Variants in PSG5 observed in about 807,000 individuals in gnomAD.
PSG5 encodes pregnancy-specific beta-1-glycoprotein 5.
A neutral mutation model predicts 37.7 loss-of-function variants in PSG5; 53 were observed. The ratio of observed to expected loss-of-function variants is 1.41; its 90% CI spans 1.13 to 1.77. The LOEUF (loss-of-function observed/expected upper bound fraction) is 1.77, where lower values mean the gene tolerates loss of function less well. Ranked by LOEUF, PSG5 falls within the 40% of genes most tolerant of loss-of-function variation. The pLI is 0.00. For missense variants in PSG5, 547 were observed against 405.2 expected (o/e 1.35, Z -3.00); for synonymous variants, 221 against 155.4 (o/e 1.42, Z -3.14).
Position 43,184,820 on chromosome 19 carries a change from G to T in PSG5, c.392C>A (p.Thr131Asn). 1.2e-6 allele frequency: 2 copies of T among 1,612,392 alleles called. No homozygotes were observed. The highest frequency in any genetic ancestry group is 4.5e-5 in the East Asian group (2 of 44,866). Residue 131 changes from threonine to asparagine, a missense_variant, in exon 2 of 6, where the codon ACT becomes AAT. Transcript: ENST00000342951. The stretch of plus-strand genomic sequence containing the variant: ...GGTGAAATATCCAGTTACTCCTCTA[G>T]TCCTATCACCTCGCTTTATGATGTG... Reference protein sequence around the residue: ...TLHIIKRGDRTRGVTGYFTFN... With the variant: ...TLHIIKRGDRNRGVTGYFTFN...
At position 43,181,753 on chromosome 19, in the gene PSG5, A is replaced by T. The variant is rs559896849; in HGVS notation, c.430+3029T>A. Reference sequence around the variant, plus strand: ...TAGGCATGAGCCACTGTGCCCAGCCATCTCTGAGGGATTTTAATGAGTTGT... The same window carrying T: ...TAGGCATGAGCCACTGTGCCCAGCCTTCTCTGAGGGATTTTAATGAGTTGT... On this transcript the variant is annotated intron_variant, in intron 2 of 5. Transcript: ENST00000342951. Among the ~76,000 whole-genome samples, 4 of 151,870 alleles carry T rather than the reference A, an allele frequency of 2.6e-5. 1 individual carries two copies. Among genetic ancestry groups the T allele is most frequent in the Non-Finnish European group, 5.9e-5 (4 of 67,940 alleles).
At chr19:43,177,391 G>A (rs991462218) in intron 2 of PSG5, among the ~76,000 whole-genome samples, 1 of 151,490 alleles carries the variant, frequency 6.6e-6, no homozygotes, top group African/African-American at 2.4e-5. Flanking sequence ...TATACTTACT[G>A]GTTTAGCATC....
At chr19:43,172,915 A>G (rs4028470) in intron 4 of PSG5, among the ~76,000 whole-genome samples, 101,841 of 151,226 alleles carry the variant, frequency 0.67, 35,547 homozygotes, top group East Asian at 0.99. Flanking sequence ...GACTCTAAAT[A>G]GACACATAGC....
Position 43,176,843 on chromosome 19 carries a change from A to G in PSG5, c.431-695T>C, listed in dbSNP as rs563457582. On this transcript the variant is annotated intron_variant, in intron 2 of 5. Coordinates refer to ENST00000342951, the MANE Select transcript of PSG5 (RefSeq NM_002781.4). ...CTAGAAGGAGTCAAGGGGACAGGCA[A>G]GAGCTGGTGGCTTTGGAGCAGAACC... Among the ~76,000 whole-genome samples, 43 of 151,026 alleles carry G rather than the reference A, an allele frequency of 2.8e-4. 1 individual carries two copies. Among genetic ancestry groups the G allele is most frequent in the African/African-American group, 9.3e-4 (38 of 40,902 alleles).
Position 43,186,144 on chromosome 19 carries a change from T to G in PSG5, c.64+198A>C, listed in dbSNP as rs891654154. ...AGAGCACACCACCATACCTGGTTAA[T>G]TTTTTGTATTTTTAGTAGAGACAGG... On this transcript the variant is annotated intron_variant, in intron 1 of 5. Coordinates refer to ENST00000342951, the MANE Select transcript of PSG5 (RefSeq NM_002781.4). 7.3e-5 allele frequency among the ~76,000 whole-genome samples: 11 copies of G among 151,180 alleles called. 1 individual carries two copies. The highest frequency in any genetic ancestry group is 1.0e-4 in the Non-Finnish European group (7 of 67,784).
At chr19:43,171,956 T>G (rs1207365185) in intron 4 of PSG5, among the ~76,000 whole-genome samples, 17 of 132,286 alleles carry the variant, frequency 1.3e-4, no homozygotes, top group Admixed American at 1.2e-3. Flanking sequence ...TGGACTGGTC[T>G]ACATAGTGAG....
intron 4 of PSG5, among the ~76,000 whole-genome samples, chr19:43,172,083 A>T (rs527881117): frequency 6.6e-6 from 1 of 151,560 alleles, no homozygotes; most frequent in African/African-American, 2.4e-5. Context: ...AATTTTATGC[A>T]AATAAATTGG....
chr19:43,185,314 T>C (rs1966910363), intron 1 of PSG5, among the ~76,000 whole-genome samples, 167 bp from the exon 2 acceptor site: 2 of 151,182 alleles, frequency 1.3e-5, no homozygotes, highest in African/African-American at 4.9e-5. Flanking sequence ...TGTGTGTATG[T>C]GTGTGTGTCC....
Position 43,171,571 on chromosome 19 carries a change from A to C in PSG5, c.965-1433T>G, listed in dbSNP as rs189316319. 95 of 430,150 alleles carry C rather than the reference A, an allele frequency of 2.2e-4. 2 individuals carry two copies. Among genetic ancestry groups the C allele is most frequent in the African/African-American group, 1.3e-3 (64 of 47,760 alleles). The allele number at this position is 430,150 out of a possible 1,614,324, so 26.6% of individuals were successfully genotyped here. A position where few individuals can be genotyped will look rare whatever the true frequency, so the allele number is the denominator to read the frequency against. On this transcript the variant is annotated intron_variant, in intron 4 of 5. Transcript: ENST00000342951. Reference sequence around the variant, plus strand: ...AATGGAAAAAGAATAGAGGAAATTAATGAAACCAAAAGTTGATTCTTCAAA... The same window carrying C: ...AATGGAAAAAGAATAGAGGAAATTACTGAAACCAAAAGTTGATTCTTCAAA...
chr19:43,177,434 C>T (rs868844295), intron 2 of PSG5, among the ~76,000 whole-genome samples: 20 of 151,386 alleles, frequency 1.3e-4, no homozygotes, highest in South Asian at 6.2e-4. Context: ...CTAAAATGCT[C>T]CAGTGAGCAT....
intron 2 of PSG5, among the ~76,000 whole-genome samples, chr19:43,180,779 TG>T (rs1969111329): frequency 7.1e-6 from 1 of 140,532 alleles, no homozygotes; most frequent in Admixed American, 7.2e-5. Context: ...ACGCCAAAGG[TG>T]ATTTGAAATT....
Position 43,175,248 on chromosome 19 carries a change from C to A in PSG5, c.931G>T (p.Glu311Ter), listed in dbSNP as rs138033994. 1.2e-6 allele frequency: 2 copies of A among 1,612,620 alleles called. No homozygotes were observed. Among genetic ancestry groups the A allele is most frequent in the African/African-American group, 2.7e-5 (2 of 74,570 alleles). Residue 311 changes from glutamate to a stop codon, truncating the protein, a stop_gained, in exon 4 of 6, where the codon GAA becomes TAA. Transcript: ENST00000342951. LOFTEE classifies it high-confidence loss of function. Reference protein sequence around the residue: ...CSVRNSATGKESSKSMTVEVS... With the variant: ...CSVRNSATGK ...TCGACTGTCATGGATTTGGAGCTTTCCTTGCCAGTAGCTGAGTTACGAACA... is the reference window on the plus strand; with the variant it reads ...TCGACTGTCATGGATTTGGAGCTTTACTTGCCAGTAGCTGAGTTACGAACA...
chr19:43,182,346 G>C (rs1969145849), intron 2 of PSG5, among the ~76,000 whole-genome samples: 1 of 151,672 alleles, frequency 6.6e-6, no homozygotes, highest in South Asian at 2.1e-4. Context: ...TGCTCCTATA[G>C]ATAACATCAC....
chr19:43,186,456 A>C lies in PSG5; in HGVS notation c.-51T>G, dbSNP rs377199217. 7.7e-5 allele frequency: 124 copies of C among 1,608,638 alleles called. 2 individuals carry two copies. The highest frequency in any genetic ancestry group is 6.6e-4 in the Middle Eastern group (4 of 6,042). The stretch of plus-strand genomic sequence containing the variant: ...CTGTGGAGCTGAGCCTAGGATCCAG[A>C]AACTTCCTGAGCACGGCTGTAGGCT... On this transcript the variant is annotated 5_prime_UTR_variant, in exon 1 of 6. Coordinates refer to ENST00000342951, the MANE Select transcript of PSG5 (RefSeq NM_002781.4).
At chr19:43,174,990 T>A (rs1005347499) in intron 4 of PSG5, 2 of 1,408,658 alleles carry the variant, frequency 1.4e-6, no homozygotes, top group Non-Finnish European at 1.9e-6. Flanking sequence ...TAAAGCCCCC[T>A]CCCTAACTTT....
At position 43,170,140 on chromosome 19, in the gene PSG5, T is replaced by A; in HGVS notation, c.965-2A>T. ...GAAGACGTCCTATTCCTGAAGGAGC[T>A]GTCATGGAAAGAAAAGTAAAGAAGG... On this transcript the variant is annotated splice_acceptor_variant, in intron 4 of 5. Transcript: ENST00000342951. LOFTEE classifies it high-confidence loss of function. 6.3e-7 allele frequency: 1 copy of A among 1,583,582 alleles called. No homozygotes were observed. The highest frequency in any genetic ancestry group is 8.6e-7 in the Non-Finnish European group (1 of 1,157,620).
Position 43,185,054 on chromosome 19 carries a change from A to G in PSG5, c.158T>C (p.Leu53Pro). 6.2e-7 allele frequency: 1 copy of G among 1,612,534 alleles called. No homozygotes were observed. The highest frequency in any genetic ancestry group is 8.5e-7 in the Non-Finnish European group (1 of 1,179,080). ...PKVSEGKDVL[L>P]LVHNLPQNLA... is the part of the protein sequence containing the mutation. ...ATTCTGAGGCAAATTGTGGACAAGT[A>G]GAAGAACATCCTTCCCCTCGGAAAC... Residue 53 changes from leucine (L) to proline (P), a missense_variant, in exon 2 of 6, where the codon CTA becomes CCA. Leu to Pro is a moderately conservative substitution (Grantham distance 98). Coordinates refer to ENST00000342951, the MANE Select transcript of PSG5 (RefSeq NM_002781.4).
In PSG5 at chr19:43,172,292, C is replaced by T. The variant is rs565349590; in HGVS notation, c.965-2154G>A. Among the ~76,000 whole-genome samples, 61 of 151,662 alleles carry T rather than the reference C, an allele frequency of 4.0e-4. 1 individual carries two copies. The highest frequency in any genetic ancestry group is 3.9e-3 in the South Asian group (19 of 4,814). On this transcript the variant is annotated intron_variant, in intron 4 of 5. Transcript: ENST00000342951. The stretch of plus-strand genomic sequence containing the variant: ...AACCCAATGCTAGCATCATACTCAA[C>T]GGAGAAAGACTGAAAGCTTTCCCTG...
intron 1 of PSG5, among the ~76,000 whole-genome samples, 187 bp from the exon 2 acceptor site, chr19:43,185,334 A>C (rs1966910915): frequency 6.6e-6 from 1 of 150,812 alleles, no homozygotes; most frequent in Non-Finnish European, 1.5e-5. Flanking sequence ...CTACTGTCCT[A>C]CTAGGTCAAG....
Sources: gnomAD v4.1 joint callset for allele counts (sites outside exome capture counted in the v4.1 genomes callset) on GRCh38, gnomAD v4.1.1 for gene constraint, MANE v1.5 for transcripts, NCBI Gene and HGNC (gene_info 2026-07-23, HGNC 2026-07-21) for gene names.